The following CFAP299 variants were observed in gnomAD, a reference collection of about 807,000 sequenced individuals.
CFAP299 encodes the protein cilia and flagella associated protein 299.
In CFAP299, 21 loss-of-function variants were observed where a neutral mutation model predicts 27.0. The observed-to-expected ratio is 0.78, with a 90% CI of 0.55 to 1.12. CFAP299 has a LOEUF of 1.12. Among genes scored for constraint, CFAP299 ranks in the 50% most tolerant of loss-of-function variants. CFAP299 has a pLI of 0.00. For missense variants in CFAP299, 310 were observed against 276.6 expected, an observed-to-expected ratio of 1.12 and a Z score of -0.86; for synonymous variants, 104 against 98.1, an observed-to-expected ratio of 1.06 and a Z score of -0.36.
At chr4:80,802,123 T>C (rs1728643607) in intron 3 of CFAP299, among the ~76,000 whole-genome samples, 1 of 152,120 alleles carries the variant, frequency 6.6e-6, no homozygotes, top group Non-Finnish European at 1.5e-5. Flanking sequence ...TTGCCTATCA[T>C]TTTAATTAAA....
intron 2 of CFAP299, among the ~76,000 whole-genome samples, chr4:80,568,339 A>G (rs964141525): frequency 7.2e-5 from 11 of 152,064 alleles, no homozygotes; most frequent in African/African-American, 2.7e-4. Context: ...AAAACTATGT[A>G]TCATGTTTCC....
At position 80,375,185 on chromosome 4, in the gene CFAP299, A is replaced by C. The variant is rs370626231; in HGVS notation, c.242+12301A>C. 3.2e-4 allele frequency among the ~76,000 whole-genome samples: 48 copies of C among 152,324 alleles called. No homozygotes were observed. The East Asian group carries it at 8.7e-3, about 28-fold the overall frequency. ...AAGGGACATATTGTGTGAAACCAGA[A>C]GACTCACCAGAAGATCGTGGTCCAT... On this transcript the variant is annotated intron_variant, in intron 2 of 5. Coordinates refer to ENST00000358105, the MANE Select transcript of CFAP299 (RefSeq NM_152770.3).
intron 2 of CFAP299, among the ~76,000 whole-genome samples, chr4:80,465,126 G>GT (rs1200486014): frequency 1.3e-5 from 2 of 151,590 alleles, no homozygotes; most frequent in Admixed American, 6.6e-5. Flanking sequence ...AATCCCAGTT[G>GT]TTTTTTTTAA....
At chr4:80,919,462 A>T (rs948375611) in intron 4 of CFAP299, among the ~76,000 whole-genome samples, 4 of 152,286 alleles carry the variant, frequency 2.6e-5, no homozygotes, top group African/African-American at 9.6e-5. Flanking sequence ...ATTTTCTATT[A>T]TAGTTTCAGG....
chr4:80,804,080 G>C (rs796068042), intron 3 of CFAP299, among the ~76,000 whole-genome samples: 5 of 152,204 alleles, frequency 3.3e-5, no homozygotes, highest in African/African-American at 1.2e-4. Context: ...TGGAGGCGCT[G>C]TCATGACCTA....
chr4:80,927,971 C>T (rs1736388113), intron 4 of CFAP299, among the ~76,000 whole-genome samples: 2 of 152,084 alleles, frequency 1.3e-5, no homozygotes, highest in Admixed American at 1.3e-4. Flanking sequence ...CATCTATCAG[C>T]ACTACCACTT....
chr4:80,707,866 T>C (rs866361778), intron 3 of CFAP299, among the ~76,000 whole-genome samples: 10 of 152,160 alleles, frequency 6.6e-5, no homozygotes, highest in Middle Eastern at 3.4e-3. Flanking sequence ...GAAAATAGGC[T>C]TGCATATGTA....
Position 80,856,284 on chromosome 4 carries a change from G to T in CFAP299, c.334-13709G>T, listed in dbSNP as rs79863818. Among the ~76,000 whole-genome samples the T allele has an allele frequency of 5.8e-3, 746 of 129,024 alleles. 13 individuals carry two copies. The highest frequency in any genetic ancestry group is 0.013 in the Middle Eastern group (3 of 230). The allele number at this position is 129,024 out of a possible 152,430, so 84.6% of individuals were successfully genotyped here. Reference sequence around the variant, plus strand: ...TTTCTTGTAAATTTGTTTGAGTTCAGTGTAGATTCTGGATATTAGCCCTTT... The same window carrying T: ...TTTCTTGTAAATTTGTTTGAGTTCATTGTAGATTCTGGATATTAGCCCTTT... On this transcript the variant is annotated intron_variant, in intron 3 of 5. Coordinates refer to ENST00000358105, the MANE Select transcript of CFAP299 (RefSeq NM_152770.3).
At chr4:80,700,273 C>A (rs1357823493) in intron 3 of CFAP299, among the ~76,000 whole-genome samples, 1 of 151,986 alleles carries the variant, frequency 6.6e-6, no homozygotes, top group East Asian at 1.9e-4. Flanking sequence ...ATAGTAATTA[C>A]TTCATAGGAC....
chr4:80,939,170 A>G (rs1370511782), intron 4 of CFAP299, among the ~76,000 whole-genome samples: 2 of 152,170 alleles, frequency 1.3e-5, no homozygotes, highest in Non-Finnish European at 2.9e-5. Flanking sequence ...TGTTTAGCCT[A>G]TTTGGGAATC....
chr4:80,756,348 A>C (rs1318708900), intron 3 of CFAP299, among the ~76,000 whole-genome samples: 1 of 152,120 alleles, frequency 6.6e-6, no homozygotes, highest in Non-Finnish European at 1.5e-5. Flanking sequence ...ATATTTAAGC[A>C]AATTATTTTT....
At chr4:80,910,743 C>T (rs1203669252) in intron 4 of CFAP299, among the ~76,000 whole-genome samples, 1 of 151,990 alleles carries the variant, frequency 6.6e-6, no homozygotes, top group Non-Finnish European at 1.5e-5. Flanking sequence ...ACAATCTGTA[C>T]AACAAACTCC....
chr4:80,798,606 T>C (rs1224462730), intron 3 of CFAP299, among the ~76,000 whole-genome samples: 1 of 152,084 alleles, frequency 6.6e-6, no homozygotes, highest in African/African-American at 2.4e-5. Context: ...CAATTTCAGC[T>C]CTTTCTCTAC....
At chr4:80,889,438 A>G (rs1734138135) in intron 4 of CFAP299, among the ~76,000 whole-genome samples, 1 of 152,068 alleles carries the variant, frequency 6.6e-6, no homozygotes, top group African/African-American at 2.4e-5. Context: ...GAAGAAATCC[A>G]AAACCTCAAT....
At chr4:80,794,838 C>T (rs1727761286) in intron 3 of CFAP299, among the ~76,000 whole-genome samples, 1 of 152,164 alleles carries the variant, frequency 6.6e-6, no homozygotes, top group African/African-American at 2.4e-5. Context: ...AATCAACCTG[C>T]CACCAGGTAG....
intron 3 of CFAP299, among the ~76,000 whole-genome samples, chr4:80,642,446 G>A (rs1256310055): frequency 6.6e-6 from 1 of 152,046 alleles, no homozygotes; most frequent in East Asian, 1.9e-4. Flanking sequence ...AGAATTACTA[G>A]TACCTACCTT....
intron 3 of CFAP299, among the ~76,000 whole-genome samples, chr4:80,711,559 T>C (rs866599641): frequency 1.3e-5 from 2 of 152,178 alleles, no homozygotes; most frequent in Middle Eastern, 6.8e-3. Flanking sequence ...TAGATAACAT[T>C]ATATTTATTT....
At chr4:80,328,069 C>T in the CFAP299 span, among the ~76,000 whole-genome samples, 5 of 151,550 alleles carry the variant, frequency 3.3e-5, no homozygotes, top group South Asian at 2.1e-4. Context: ...AAGTAATTGG[C>T]GACCTAGAAA....
chr4:80,874,137 G>T (rs1196060130), intron 4 of CFAP299, among the ~76,000 whole-genome samples: 1 of 152,068 alleles, frequency 6.6e-6, no homozygotes, highest in Non-Finnish European at 1.5e-5. Context: ...AATGAACCCA[G>T]GGTTTCTACA....
Sources: allele counts gnomAD v4.1 joint callset (sites outside exome capture counted in the v4.1 genomes callset), GRCh38; gene constraint gnomAD v4.1.1; transcripts MANE v1.5; gene names NCBI Gene and HGNC (gene_info 2026-07-23, HGNC 2026-07-21).